Variants in MSRB3 observed in about 807,000 individuals in gnomAD.
MSRB3 encodes the protein methionine-R-sulfoxide reductase B3.
MSRB3 carries 13 observed loss-of-function variants against 21.0 expected under a neutral mutation model. The observed-to-expected ratio is 0.62, with a 90% CI of 0.40 to 0.98. The LOEUF (loss-of-function observed/expected upper bound fraction) is 0.98. Among genes scored for constraint, MSRB3 ranks in the 50% least tolerant of loss-of-function variants. The pLI is 0.00. For synonymous variants in MSRB3, 87 were observed against 88.6 expected, an observed-to-expected ratio of 0.98 and a Z score of 0.10; for missense variants, 199 against 230.3, an observed-to-expected ratio of 0.86 and a Z score of 0.88.
intron 1 of MSRB3, among the ~76,000 whole-genome samples, chr12:65,287,618 A>C (rs1258953759): frequency 6.6e-6 from 1 of 152,174 alleles, no homozygotes; most frequent in East Asian, 1.9e-4. Context: ...GAAAAGCCAC[A>C]AGTTGTTTTG....
chr12:65,300,168 G>GGA (rs1873232104), intron 1 of MSRB3, among the ~76,000 whole-genome samples: 2 of 152,132 alleles, frequency 1.3e-5, no homozygotes, highest in South Asian at 4.1e-4. Flanking sequence ...ACTTTCAATT[G>GGA]CTTCAGGAAA....
At chr12:65,451,338 A>G (rs575482226) in intron 5 of MSRB3, among the ~76,000 whole-genome samples, 3 of 152,290 alleles carry the variant, frequency 2.0e-5, no homozygotes, top group Non-Finnish European at 4.4e-5. Flanking sequence ...TCAAGCATCA[A>G]CAGTTTCCCA....
intron 4 of MSRB3, among the ~76,000 whole-genome samples, chr12:65,335,455 C>A (rs1231369517): frequency 1.3e-5 from 2 of 152,162 alleles, no homozygotes; most frequent in Non-Finnish European, 2.9e-5. Context: ...AAATTTAAGC[C>A]ATTTTTCAGC....
At chr12:65,318,118 A>G (rs1324470422) in intron 2 of MSRB3, among the ~76,000 whole-genome samples, 1 of 152,020 alleles carries the variant, frequency 6.6e-6, no homozygotes, top group Non-Finnish European at 1.5e-5. Flanking sequence ...AGAACTCCTC[A>G]GATTTTTCTG....
At chr12:65,351,246 G>C (rs1876964423) in intron 4 of MSRB3, among the ~76,000 whole-genome samples, 1 of 150,986 alleles carries the variant, frequency 6.6e-6, no homozygotes, top group Non-Finnish European at 1.5e-5. Context: ...CAGAAATAAA[G>C]ATGTTCTTTG....
chr12:65,422,818 G>T (rs1215194196), intron 5 of MSRB3, among the ~76,000 whole-genome samples: 1 of 151,820 alleles, frequency 6.6e-6, no homozygotes, highest in Non-Finnish European at 1.5e-5. Context: ...ATTGTAAATG[G>T]AATAGTTTTC....
chr12:65,279,671 T>G (rs1224370632), intron 1 of MSRB3, among the ~76,000 whole-genome samples: 1 of 152,254 alleles, frequency 6.6e-6, no homozygotes, highest in African/African-American at 2.4e-5. Flanking sequence ...GTGGCAGTTA[T>G]GAAGTCGTTA....
At chr12:65,327,004 T>C (rs1875090634) in intron 3 of MSRB3, 70 bp downstream of exon 3, 1 of 1,102,464 alleles carries the variant, frequency 9.1e-7, no homozygotes, top group Admixed American at 1.9e-5. Context: ...GCAGTGCTTT[T>C]CCTTGCCAAT....
chr12:65,441,887 G>T (rs1592641631), intron 5 of MSRB3, among the ~76,000 whole-genome samples: 1 of 151,992 alleles, frequency 6.6e-6, no homozygotes, highest in Non-Finnish European at 1.5e-5. Context: ...CCATGTATCT[G>T]CCTGCCACAA....
At chr12:65,282,767 T>C (rs1334164115) in intron 1 of MSRB3, among the ~76,000 whole-genome samples, 1 of 151,968 alleles carries the variant, frequency 6.6e-6, no homozygotes, top group African/African-American at 2.4e-5. Flanking sequence ...GGGACTATAT[T>C]ATTGAGCCTT....
chr12:65,422,416 ATATATATATATATATT>A lies in MSRB3; in HGVS notation c.293-31308_293-31293del, dbSNP rs1369303429. Among the ~76,000 whole-genome samples, 89 of 43,268 alleles carry A rather than the reference ATATATATATATATATT, an allele frequency of 2.1e-3. No individual in the cohort carries two copies. The South Asian group carries it at 0.026, about 13-fold the overall frequency. 28.4% of individuals were successfully genotyped at this position (43,268 alleles called of 152,430 possible). A position where few individuals can be genotyped will look rare whatever the true frequency, so the allele number is the denominator to read the frequency against. On this transcript the variant is annotated intron_variant, in intron 5 of 6. Transcript: ENST00000308259. ...TATATATATATATATATATATATAT[ATATATATATATATATT>A]TATTTATTTATTTATGGGGTATATG...
intron 5 of MSRB3, among the ~76,000 whole-genome samples, chr12:65,429,068 A>G (rs1444883466): frequency 1.3e-5 from 2 of 152,134 alleles, no homozygotes; most frequent in East Asian, 3.9e-4. Flanking sequence ...CACATCCATT[A>G]AGTCAATATC....
At position 65,381,844 on chromosome 12, in the gene MSRB3, A is replaced by G. The variant is rs148467269; in HGVS notation, c.292+12818A>G. On this transcript the variant is annotated intron_variant, in intron 5 of 6. Coordinates refer to ENST00000308259, the MANE Select transcript of MSRB3 (RefSeq NM_001031679.3). ...TCCTTAATTAAGAACTTAAATAGCC[A>G]TATGGCCTATATTGTATTCGATGTT... 1.3e-3 allele frequency among the ~76,000 whole-genome samples: 197 copies of G among 152,186 alleles called. 3 individuals carry two copies. In the East Asian group the frequency reaches 0.03, roughly 24 times the overall value.
At chr12:65,382,947 T>C (rs1459929484) in intron 5 of MSRB3, among the ~76,000 whole-genome samples, 2 of 152,108 alleles carry the variant, frequency 1.3e-5, no homozygotes, top group East Asian at 3.8e-4. Context: ...AGGTTAAATT[T>C]ATTTATGATG....
At chr12:65,436,438 T>C (rs1247713224) in intron 5 of MSRB3, among the ~76,000 whole-genome samples, 2 of 151,816 alleles carry the variant, frequency 1.3e-5, no homozygotes, top group African/African-American at 4.8e-5. Flanking sequence ...TTGATAGCAG[T>C]ATTTAAAGAT....
chr12:65,348,014 G>A (rs893943037), intron 4 of MSRB3, among the ~76,000 whole-genome samples: 3 of 152,024 alleles, frequency 2.0e-5, no homozygotes, highest in African/African-American at 4.8e-5. Context: ...TTTTTGCATC[G>A]ATGTTCATTA....
chr12:65,282,964 A>C (rs1193097011), intron 1 of MSRB3, among the ~76,000 whole-genome samples: 2 of 152,166 alleles, frequency 1.3e-5, no homozygotes, highest in African/African-American at 4.8e-5. Flanking sequence ...TGAATTGTGA[A>C]CATTTTCTCT....
chr12:65,281,885 A>G (rs1872043428), intron 1 of MSRB3: 1 of 152,238 alleles, frequency 6.6e-6, no homozygotes, highest in Non-Finnish European at 1.5e-5. Context: ...GCAGAATTAA[A>G]CTGGATTTGG....
intron 5 of MSRB3, among the ~76,000 whole-genome samples, chr12:65,400,913 G>T (rs1274831393): frequency 6.6e-6 from 1 of 152,160 alleles, no homozygotes; most frequent in East Asian, 1.9e-4. Context: ...CCATGTAGTT[G>T]TACAGTTGTG....
Sources: allele counts gnomAD v4.1 joint callset (sites outside exome capture counted in the v4.1 genomes callset), GRCh38; gene constraint gnomAD v4.1.1; transcripts MANE v1.5; gene names NCBI Gene and HGNC (gene_info 2026-07-23, HGNC 2026-07-21).